The following BRINP3 variants were observed in gnomAD, a reference collection of about 807,000 sequenced individuals.
BRINP3 encodes BMP/retinoic acid-inducible neural-specific protein 3.
Under a neutral mutation model 71.0 loss-of-function variants are expected in BRINP3, and 19 were observed. The ratio of observed to expected loss-of-function variants is 0.27; its 90% CI spans 0.19 to 0.39. BRINP3 has a LOEUF of 0.39. BRINP3 is among the 10% of genes least tolerant of loss of function. BRINP3 has a pLI of 1.00. For synonymous variants in BRINP3, 380 were observed against 337.7 expected (o/e 1.13, Z -1.37); for missense variants, 959 against 940.8 (o/e 1.02, Z -0.25).
intron 7 of BRINP3, among the ~76,000 whole-genome samples, chr1:190,159,154 A>G (rs996377309): frequency 6.6e-6 from 1 of 152,104 alleles, no homozygotes; most frequent in Non-Finnish European, 1.5e-5. Context: ...GGAAATTTAA[A>G]TCAAAACCAA....
chr1:190,333,527 T>G (rs908800632), intron 2 of BRINP3, among the ~76,000 whole-genome samples: 2 of 152,004 alleles, frequency 1.3e-5, no homozygotes, highest in African/African-American at 4.8e-5. Flanking sequence ...TCAAATTATG[T>G]GTTCAAATAT....
intron 6 of BRINP3, among the ~76,000 whole-genome samples, chr1:190,207,908 T>C (rs868867267): frequency 2.6e-5 from 4 of 152,100 alleles, no homozygotes; most frequent in Non-Finnish European, 5.9e-5. Context: ...GCATCTTGTA[T>C]AGAGTTGAAC....
intron 5 of BRINP3, among the ~76,000 whole-genome samples, chr1:190,233,160 A>G (rs1015930553): frequency 2.0e-4 from 31 of 152,026 alleles, no homozygotes; most frequent in African/African-American, 7.5e-4. Flanking sequence ...ACTGTCACCC[A>G]GGCTGGAGTA....
intron 5 of BRINP3, among the ~76,000 whole-genome samples, chr1:190,232,894 G>A (rs893122889): frequency 1.1e-4 from 17 of 152,018 alleles, no homozygotes; most frequent in Non-Finnish European, 5.9e-5. Context: ...AAGCAGTAGA[G>A]AATTGCAAGA....
chr1:190,466,212 A>T (rs1039587935), intron 1 of BRINP3, among the ~76,000 whole-genome samples: 1 of 151,684 alleles, frequency 6.6e-6, no homozygotes, highest in Admixed American at 6.6e-5. Context: ...AAAGATATTC[A>T]TACTGCTCTA....
chr1:190,426,028 T>C (rs949166548), intron 2 of BRINP3, among the ~76,000 whole-genome samples: 1 of 151,850 alleles, frequency 6.6e-6, no homozygotes, highest in Non-Finnish European at 1.5e-5. Context: ...CAATTATATT[T>C]TGATATGAAT....
chr1:190,419,776 A>G (rs1272990096), intron 2 of BRINP3, among the ~76,000 whole-genome samples: 2 of 151,854 alleles, frequency 1.3e-5, no homozygotes, highest in East Asian at 3.9e-4. Flanking sequence ...TAGTAATGAA[A>G]CAATAGTCAC....
chr1:190,413,471 G>C (rs923179634), intron 2 of BRINP3, among the ~76,000 whole-genome samples: 1 of 152,094 alleles, frequency 6.6e-6, no homozygotes, highest in South Asian at 2.1e-4. Flanking sequence ...ATATTATTCT[G>C]AATTATCAAG....
At chr1:190,347,330 C>T (rs536563551) in intron 2 of BRINP3, among the ~76,000 whole-genome samples, 4 of 152,108 alleles carry the variant, frequency 2.6e-5, no homozygotes, top group Non-Finnish European at 4.4e-5. Flanking sequence ...TTAGTAGAGA[C>T]GGAGTTTCAC....
intron 7 of BRINP3, among the ~76,000 whole-genome samples, chr1:190,119,264 T>C (rs1346558882): frequency 1.6e-5 from 2 of 126,364 alleles, no homozygotes; most frequent in Admixed American, 1.7e-4. Flanking sequence ...TTTTTCATTT[T>C]ATTTTTATTT....
chr1:190,110,763 T>C (rs1371408895), intron 7 of BRINP3, among the ~76,000 whole-genome samples: 1 of 152,084 alleles, frequency 6.6e-6, no homozygotes, highest in Non-Finnish European at 1.5e-5. Context: ...GTTACATCTA[T>C]ATTCCATGAA....
intron 7 of BRINP3, among the ~76,000 whole-genome samples, chr1:190,157,250 C>A (rs1003589117): frequency 6.6e-6 from 1 of 151,924 alleles, no homozygotes; most frequent in African/African-American, 2.4e-5. Flanking sequence ...ATTTTTCATC[C>A]ACCAGGTTGA....
intron 2 of BRINP3, among the ~76,000 whole-genome samples, chr1:190,384,111 A>G (rs1670724788): frequency 6.6e-6 from 1 of 151,666 alleles, no homozygotes; most frequent in Non-Finnish European, 1.5e-5. Context: ...ATAATTTAAC[A>G]TTATTTTAAT....
chr1:190,389,493 T>G (rs1031983316), intron 2 of BRINP3, among the ~76,000 whole-genome samples: 1 of 151,972 alleles, frequency 6.6e-6, no homozygotes, highest in African/African-American at 2.4e-5. Flanking sequence ...AAATTTAGTC[T>G]CATTAACTTG....
At chr1:190,259,854 C>A (rs1046639885) in intron 4 of BRINP3, among the ~76,000 whole-genome samples, 2 of 151,256 alleles carry the variant, frequency 1.3e-5, no homozygotes, top group African/African-American at 4.8e-5. Flanking sequence ...ATATGTGAAA[C>A]CCGGTCTCTA....
At chr1:190,137,450 A>C (rs1391794436) in intron 7 of BRINP3, among the ~76,000 whole-genome samples, 3 of 151,984 alleles carry the variant, frequency 2.0e-5, no homozygotes, top group Admixed American at 6.6e-5. Flanking sequence ...AAAAAAAAAA[A>C]AAAACCTGAA....
chr1:190,148,867 G>T (rs1303343606), intron 7 of BRINP3, among the ~76,000 whole-genome samples: 2 of 152,046 alleles, frequency 1.3e-5, no homozygotes, highest in African/African-American at 4.8e-5. Context: ...AATGATGACA[G>T]ATTGGGAAGA....
intron 6 of BRINP3, among the ~76,000 whole-genome samples, chr1:190,198,144 T>C (rs1093085): frequency 0.96 from 146,564 of 152,020 alleles, 70,677 homozygotes; most frequent in East Asian, 1. Flanking sequence ...TTGCTATGTC[T>C]GTGACATAAG....
At chr1:190,109,354 T>C (rs1652470406) in intron 7 of BRINP3, among the ~76,000 whole-genome samples, 1 of 152,186 alleles carries the variant, frequency 6.6e-6, no homozygotes, top group South Asian at 2.1e-4. Flanking sequence ...TTAACAAAAG[T>C]CATTCTGGAC....
Sources: allele counts gnomAD v4.1 joint callset (sites outside exome capture counted in the v4.1 genomes callset), GRCh38; gene constraint gnomAD v4.1.1; transcripts MANE v1.5; gene names NCBI Gene and HGNC (gene_info 2026-07-23, HGNC 2026-07-21).